The following GOLPH3 variants were observed in gnomAD, a reference collection of about 807,000 sequenced individuals.
GOLPH3 encodes coat protein GPP34.
A neutral mutation model predicts 28.5 loss-of-function variants in GOLPH3; 14 were observed. The observed-to-expected ratio is 0.49, with a 90% CI of 0.32 to 0.77. GOLPH3 has a LOEUF of 0.77. Among genes scored for constraint, GOLPH3 ranks in the 30% least tolerant of loss-of-function variants. GOLPH3 has a pLI of 0.03. For synonymous variants in GOLPH3, 158 were observed against 159.2 expected, an observed-to-expected ratio of 0.99 and a Z score of 0.06; for missense variants, 350 against 393.7, an observed-to-expected ratio of 0.89 and a Z score of 0.94.
rs554576469 is a variant in GOLPH3, at chr5:32,174,088, C to G, written c.-54G>C. 8.6e-7 allele frequency: 1 copy of G among 1,165,824 alleles called. No homozygotes were observed. Among genetic ancestry groups the G allele is most frequent in the South Asian group, 3.9e-5 (1 of 25,564 alleles). 72.2% of individuals were successfully genotyped at this position (1,165,824 alleles called of 1,614,324 possible). A position where few individuals can be genotyped will look rare whatever the true frequency, so the allele number is the denominator to read the frequency against. Reference sequence around the variant, plus strand: ...GAGAGGGTCGCAGGACCGACCGGGTCGCCCTCCTCCTCCCCGCGCGGCCTC... The same window carrying G: ...GAGAGGGTCGCAGGACCGACCGGGTGGCCCTCCTCCTCCCCGCGCGGCCTC... On this transcript the variant is annotated 5_prime_UTR_variant, in exon 1 of 4. Transcript: ENST00000265070.
chr5:32,125,958 G>C lies in GOLPH3; in HGVS notation c.*254C>G. On this transcript the variant is annotated 3_prime_UTR_variant, in exon 4 of 4. Transcript: ENST00000265070. ...CAAAGTAGACCAGAAACCCAAAACAGGTAACAGTGAGGATGGCAACAGGGA... is the reference window on the plus strand; with the variant it reads ...CAAAGTAGACCAGAAACCCAAAACACGTAACAGTGAGGATGGCAACAGGGA... 2.4e-6 allele frequency: 1 copy of C among 411,462 alleles called. No individual in the cohort carries two copies. The highest frequency in any genetic ancestry group is 4.1e-5 in the East Asian group (1 of 24,422). The allele number at this position is 411,462 out of a possible 1,614,324, so 25.5% of individuals were successfully genotyped here.
At chr5:32,147,895 C>CT (rs1746212982) in intron 1 of GOLPH3, among the ~76,000 whole-genome samples, 1 of 152,144 alleles carries the variant, frequency 6.6e-6, no homozygotes, top group South Asian at 2.1e-4. Context: ...CTACCACATA[C>CT]TATATAGTTA....
At chr5:32,156,621 G>C (rs1047529080) in intron 1 of GOLPH3, among the ~76,000 whole-genome samples, 2 of 151,908 alleles carry the variant, frequency 1.3e-5, no homozygotes, top group African/African-American at 2.4e-5. Flanking sequence ...GGAGCGGCGG[G>C]GGGGATGGTT....
At chr5:32,164,633 T>C (rs968676381) in intron 1 of GOLPH3, among the ~76,000 whole-genome samples, 1 of 151,962 alleles carries the variant, frequency 6.6e-6, no homozygotes, top group East Asian at 1.9e-4. Context: ...CCTGACCTCG[T>C]GATCCACCCG....
chr5:32,158,413 C>A (rs1746503057), intron 1 of GOLPH3, among the ~76,000 whole-genome samples: 1 of 152,094 alleles, frequency 6.6e-6, no homozygotes, highest in African/African-American at 2.4e-5. Flanking sequence ...AACTCCTGCC[C>A]TCCTAAAATA....
chr5:32,156,868 C>T (rs1279649787), intron 1 of GOLPH3, among the ~76,000 whole-genome samples: 2 of 152,168 alleles, frequency 1.3e-5, no homozygotes, highest in African/African-American at 4.8e-5. Flanking sequence ...AGACCAGTAC[C>T]GGTCCATAGC....
intron 2 of GOLPH3, among the ~76,000 whole-genome samples, chr5:32,137,899 G>A (rs1277418325): frequency 2.0e-5 from 2 of 98,018 alleles, no homozygotes; most frequent in East Asian, 3.0e-4. Flanking sequence ...TTAACATTAC[G>A]GTTTTTTTTG....
intron 1 of GOLPH3, among the ~76,000 whole-genome samples, chr5:32,165,343 G>C (rs1278192390): frequency 6.6e-6 from 1 of 152,160 alleles, no homozygotes; most frequent in Non-Finnish European, 1.5e-5. Flanking sequence ...AGCACTTTGG[G>C]AGGCCAACGT....
intron 2 of GOLPH3, among the ~76,000 whole-genome samples, chr5:32,138,288 TA>T (rs758268719): frequency 2.6e-5 from 4 of 152,186 alleles, no homozygotes; most frequent in Non-Finnish European, 5.9e-5. Context: ...TATAAAAAAT[TA>T]AAAATATATA....
At chr5:32,135,514 T>G in intron 3 of GOLPH3, 58 bp downstream of exon 3, 1 of 1,072,816 alleles carries the variant, frequency 9.3e-7, no homozygotes, top group South Asian at 1.3e-5. Flanking sequence ...TCAAAAGGAT[T>G]TAAACTTCGC....
At chr5:32,134,198 T>C (rs1745884330) in intron 3 of GOLPH3, among the ~76,000 whole-genome samples, 1 of 152,062 alleles carries the variant, frequency 6.6e-6, no homozygotes, top group Admixed American at 6.5e-5. Context: ...AGCAAGGTCC[T>C]ATCTCTACAA....
At chr5:32,160,923 C>T (rs1348700776) in intron 1 of GOLPH3, among the ~76,000 whole-genome samples, 1 of 151,918 alleles carries the variant, frequency 6.6e-6, no homozygotes, top group Non-Finnish European at 1.5e-5. Flanking sequence ...AAAAATTAGC[C>T]AGGCGTGGTG....
At chr5:32,158,671 T>C (rs1278739228) in intron 1 of GOLPH3, among the ~76,000 whole-genome samples, 1 of 152,140 alleles carries the variant, frequency 6.6e-6, no homozygotes, top group Non-Finnish European at 1.5e-5. Flanking sequence ...CTGCTGCCTA[T>C]TCCTCCAACG....
intron 1 of GOLPH3, among the ~76,000 whole-genome samples, chr5:32,170,442 T>G (rs1453425915): frequency 6.6e-6 from 1 of 152,210 alleles, no homozygotes; most frequent in Non-Finnish European, 1.5e-5. Flanking sequence ...AGTTTAGCTT[T>G]TAAAGTTCTT....
chr5:32,146,200 G>C lies in GOLPH3; in HGVS notation c.226-2320C>G, dbSNP rs113114467. The stretch of plus-strand genomic sequence containing the variant: ...AGCTACTTGGAAGGCTGAGGTGGGA[G>C]AATCACCTGAGCTCAGGAACTTGAG... On this transcript the variant is annotated intron_variant, in intron 1 of 3. Transcript: ENST00000265070. Among the ~76,000 whole-genome samples the C allele has an allele frequency of 6.5e-3, 990 of 151,776 alleles. 13 individuals carry two copies. The highest frequency in any genetic ancestry group is 0.022 in the African/African-American group (908 of 41,346).
chr5:32,170,798 G>A (rs945906152), intron 1 of GOLPH3, among the ~76,000 whole-genome samples: 6 of 151,910 alleles, frequency 3.9e-5, no homozygotes, highest in African/African-American at 1.2e-4. Flanking sequence ...AAGATGTGAT[G>A]AAAGGAAAAA....
At chr5:32,156,823 C>T (rs1746440590) in intron 1 of GOLPH3, among the ~76,000 whole-genome samples, 1 of 152,218 alleles carries the variant, frequency 6.6e-6, no homozygotes. Context: ...CCGCCCCTCA[C>T]CTCCTGCTGT....
chr5:32,142,981 T>C (rs903190771), intron 2 of GOLPH3, among the ~76,000 whole-genome samples: 10 of 152,032 alleles, frequency 6.6e-5, no homozygotes, highest in African/African-American at 2.4e-4. Flanking sequence ...CGGGCCATGA[T>C]GACAAGGGCG....
rs1308648161 is a variant in GOLPH3 at position 32,158,132 on chromosome 5, T to TAAATAAA, written c.226-14253_226-14252insTTTATTT. 4.5e-4 allele frequency among the ~76,000 whole-genome samples: 15 copies of TAAATAAA among 33,686 alleles called. 1 individual carries two copies. The highest frequency in any genetic ancestry group is 1.8e-3 in the African/African-American group (15 of 8,324). 22.1% of individuals were successfully genotyped at this position (33,686 alleles called of 152,430 possible). A position where few individuals can be genotyped will look rare whatever the true frequency, so the allele number is the denominator to read the frequency against. ...TAAATAAATAAATAAATAAATAAAATACACACACACACACACACACACACA... is the reference window on the plus strand; with the variant it reads ...TAAATAAATAAATAAATAAATAAAATAAATAAAACACACACACACACACACACACACA... On this transcript the variant is annotated intron_variant, in intron 1 of 3. Transcript: ENST00000265070.
Sources: gnomAD v4.1 joint callset for allele counts (sites outside exome capture counted in the v4.1 genomes callset) on GRCh38, gnomAD v4.1.1 for gene constraint, MANE v1.5 for transcripts, NCBI Gene and HGNC (gene_info 2026-07-23, HGNC 2026-07-21) for gene names.